The following NAT10 variants were observed in gnomAD, a reference collection of about 807,000 sequenced individuals.
NAT10 encodes RNA cytidine acetyltransferase.
In NAT10, 109 loss-of-function variants were observed where a neutral mutation model predicts 132.2. The ratio of observed to expected loss-of-function variants is 0.82; its 90% CI spans 0.71 to 0.97. NAT10 has a LOEUF of 0.97. Ranked by LOEUF, NAT10 falls within the 50% of genes least tolerant of loss-of-function variation. The pLI is 0.00. For synonymous variants in NAT10, 479 were observed against 478.0 expected, an observed-to-expected ratio of 1.00 and a Z score of -0.03; for missense variants, 1,184 against 1,263.4, an observed-to-expected ratio of 0.94 and a Z score of 0.95.
intron 11 of NAT10, among the ~76,000 whole-genome samples, chr11:34,127,020 G>A (rs1852006718): frequency 1.3e-5 from 2 of 152,222 alleles, no homozygotes; most frequent in South Asian, 4.1e-4. Flanking sequence ...GCTATGCCTC[G>A]AGCTCATCGG....
chr11:34,131,426 C>A lies in NAT10; in HGVS notation c.1415C>A (p.Ala472Asp), dbSNP rs146685334. The A allele has an allele frequency of 8.1e-4, 1,302 of 1,614,094 alleles. No individual in the cohort carries two copies. The highest frequency in any genetic ancestry group is 1.0e-3 in the Non-Finnish European group (1,231 of 1,180,000). The stretch of plus-strand genomic sequence containing the variant: ...TCCCTCCAGGAGTCAATCCGATACG[C>A]CCCTGGGGATGCAGTGGAGAAGTGG... Reference protein sequence around the residue: ...EVSLQESIRYAPGDAVEKWLN... With the variant: ...EVSLQESIRYDPGDAVEKWLN... The change falls in exon 14 of 29, where the codon GCC becomes GAC. Residue 472 changes from alanine (A) to aspartate (D), a missense_variant. Physicochemically the swap from Ala to Asp is moderately radical, Grantham distance 126. Transcript: ENST00000257829.
At chr11:34,127,432 T>G (rs199830201) in intron 11 of NAT10, 31 bp from the exon 12 acceptor site, 57 of 1,579,990 alleles carry the variant, frequency 3.6e-5, no homozygotes, top group Non-Finnish European at 4.5e-5. Flanking sequence ...GAGTTCACTA[T>G]GCTAATAATC....
intron 8 of NAT10, among the ~76,000 whole-genome samples, chr11:34,120,982 G>A (rs867743861): frequency 6.6e-6 from 1 of 152,164 alleles, no homozygotes; most frequent in Non-Finnish European, 1.5e-5. Flanking sequence ...GCATGGGCCT[G>A]GGGGAGGGGT....
chr11:34,141,778 G>C lies in NAT10; in HGVS notation c.2772G>C (p.Val924=), dbSNP rs1852337909. The change falls in exon 26 of 29, where the codon GTG becomes GTC. Residue 924 remains valine, a synonymous_variant. Coordinates refer to ENST00000257829, the MANE Select transcript of NAT10 (RefSeq NM_024662.3). ...IEEQMVAAKD[V]VMEPTMKTLS... ...AGCAGATGGTGGCAGCGAAGGATGT[G>C]GTCATGGAGCCCACGATGAAGACCC... The C allele has an allele frequency of 1.2e-6, 2 of 1,614,020 alleles. No individual in the cohort carries two copies. Among genetic ancestry groups the C allele is most frequent in the Non-Finnish European group, 1.7e-6 (2 of 1,180,032 alleles).
At chr11:34,117,713 T>C (rs571124363) in intron 6 of NAT10, among the ~76,000 whole-genome samples, 20 of 152,340 alleles carry the variant, frequency 1.3e-4, no homozygotes, top group African/African-American at 4.6e-4. Flanking sequence ...TTGTATTTCT[T>C]TGGGGAGCTT....
intron 26 of NAT10, 99 bp downstream of exon 26, chr11:34,141,916 C>T (rs1852340847): frequency 1.0e-6 from 1 of 991,336 alleles, no homozygotes; most frequent in Admixed American, 2.3e-5. Context: ...AGAAAGAGTC[C>T]TCTGCACTAA....
chr11:34,122,205 G>A (rs1319199787), intron 8 of NAT10, among the ~76,000 whole-genome samples: 2 of 152,118 alleles, frequency 1.3e-5, no homozygotes, highest in Admixed American at 1.3e-4. Context: ...TGATGTGCAG[G>A]GAAGTGGTCC....
intron 12 of NAT10, among the ~76,000 whole-genome samples, chr11:34,130,003 T>A (rs1255798183): frequency 6.6e-6 from 1 of 152,150 alleles, no homozygotes; most frequent in Non-Finnish European, 1.5e-5. Flanking sequence ...TAGGATACTT[T>A]TGGGAGAGCT....
At chr11:34,114,171 A>G (rs1259073369) in intron 5 of NAT10, among the ~76,000 whole-genome samples, 2 of 152,206 alleles carry the variant, frequency 1.3e-5, no homozygotes, top group Non-Finnish European at 2.9e-5. Context: ...AAATTTGTGT[A>G]TTGCAAAAAA....
chr11:34,108,821 TG>T lies in NAT10; in HGVS notation c.192del (p.Phe65LeufsTer16). ...PSVLWCYKKE[L>X]GFSSHRKKRM... ...GTGCTGTGGTGTTATAAGAAAGAGC[TG>T]GGGTTTAGCAGGTAAGCTGGGCTCT... On this transcript the variant is annotated frameshift_variant, in exon 3 of 29. Coordinates refer to ENST00000257829, the MANE Select transcript of NAT10 (RefSeq NM_024662.3). LOFTEE classifies it high-confidence loss of function. 2 of 1,613,656 alleles carry T rather than the reference TG, an allele frequency of 1.2e-6. No individual in the cohort carries two copies. The highest frequency in any genetic ancestry group is 1.7e-6 in the Non-Finnish European group (2 of 1,179,844).
Position 34,118,461 on chromosome 11 carries a change from G to A in NAT10, c.738G>A (p.Gln246=). ...TGAAGGAGAGCTTGCAGGACACCCAGCCTGTGGGTGTGTTGGTGGACTGCT... is the reference window on the plus strand; with the variant it reads ...TGAAGGAGAGCTTGCAGGACACCCAACCTGTGGGTGTGTTGGTGGACTGCT... ...RELKESLQDT[Q]PVGVLVDCCK... is the part of the protein sequence containing the mutation. The change falls in exon 8 of 29, where the codon CAG becomes CAA. Residue 246 remains glutamine (Q), a synonymous_variant. Coordinates refer to ENST00000257829, the MANE Select transcript of NAT10 (RefSeq NM_024662.3). The A allele has an allele frequency of 1.2e-6, 2 of 1,614,124 alleles. No homozygotes were observed. Among genetic ancestry groups the A allele is most frequent in the Non-Finnish European group, 1.7e-6 (2 of 1,179,996 alleles).
Position 34,113,779 on chromosome 11 carries a change from C to A in NAT10, c.436C>A (p.Leu146Ile). The change falls in exon 5 of 29, where the codon CTA becomes ATA. Residue 146 changes from leucine (L) to isoleucine (I), a missense_variant. Coordinates refer to ENST00000257829, the MANE Select transcript of NAT10 (RefSeq NM_024662.3). ...RTVETVEGGG[L>I]VVILLRTMNS... is the part of the protein sequence containing the mutation. ...TGTAGAAACAGTGGAAGGTGGTGGGCTAGTGGTCATCCTCCTACGGACCAT... is the reference window on the plus strand; with the variant it reads ...TGTAGAAACAGTGGAAGGTGGTGGGATAGTGGTCATCCTCCTACGGACCAT... The A allele has an allele frequency of 6.2e-7, 1 of 1,613,988 alleles. No individual in the cohort carries two copies. Among genetic ancestry groups the A allele is most frequent in the Non-Finnish European group, 8.5e-7 (1 of 1,179,966 alleles).
At chr11:34,141,892 T>G in intron 26 of NAT10, 75 bp downstream of exon 26, 1 of 1,231,356 alleles carries the variant, frequency 8.1e-7, no homozygotes, top group African/African-American at 1.5e-5. Flanking sequence ...CAGACTGTCT[T>G]CCCCTTCCCC....
chr11:34,142,468 T>C (rs1034421197), intron 27 of NAT10, 120 bp downstream of exon 27: 24 of 824,196 alleles, frequency 2.9e-5, no homozygotes, highest in Admixed American at 1.7e-4. Flanking sequence ...GGATCAGTTT[T>C]AGGGATGCTA....
In NAT10 at chr11:34,113,828, C is replaced by T. The variant is rs769674662; in HGVS notation, c.485C>T (p.Thr162Ile). The change falls in exon 5 of 29, where the codon ACA becomes ATA. Residue 162 changes from threonine to isoleucine, a missense_variant. Transcript: ENST00000257829. ...RTMNSLKQLY[T>I]VTMDVHSRYR... The stretch of plus-strand genomic sequence containing the variant: ...ATGAACTCACTCAAGCAATTGTACA[C>T]AGTGACTATGGTAAGCATCTGTTTT... The T allele has an allele frequency of 5.6e-6, 9 of 1,613,210 alleles. No homozygotes were observed. In the Admixed American group the frequency reaches 1.0e-4, roughly 18 times the overall value.
At chr11:34,131,313 C>T in intron 13 of NAT10, 68 bp from the exon 14 acceptor site, 3 of 1,525,692 alleles carry the variant, frequency 2.0e-6, no homozygotes, top group African/African-American at 1.4e-5. Context: ...AACATTTTTC[C>T]TTGCTTTTTT....
intron 26 of NAT10, 118 bp from the exon 27 acceptor site, chr11:34,142,157 A>AC (rs1852347106): frequency 1.1e-6 from 1 of 947,212 alleles, no homozygotes; most frequent in Non-Finnish European, 1.7e-6. Flanking sequence ...TTGCAGGTAG[A>AC]TGGAAGAGAA....
Position 34,142,143 on chromosome 11 carries a change from G to A in NAT10, c.2812-132G>A, listed in dbSNP as rs1852346494. 12 of 846,816 alleles carry A rather than the reference G, an allele frequency of 1.4e-5. No individual in the cohort carries two copies. The East Asian group carries it at 3.0e-4, about 21-fold the overall frequency. The allele number at this position is 846,816 out of a possible 1,614,324, so 52.5% of individuals were successfully genotyped here. Reference sequence around the variant, plus strand: ...TAAAATAATCAAAGCTGCCTACAAGGTTTTTGCAGGTAGATGGAAGAGAAG... The same window carrying A: ...TAAAATAATCAAAGCTGCCTACAAGATTTTTGCAGGTAGATGGAAGAGAAG... On this transcript the variant is annotated intron_variant, in intron 26 of 28. Transcript: ENST00000257829.
chr11:34,117,498 G>A (rs1331903023), intron 6 of NAT10, among the ~76,000 whole-genome samples: 1 of 152,190 alleles, frequency 6.6e-6, no homozygotes, highest in African/African-American at 2.4e-5. Flanking sequence ...CTGAGGTGTA[G>A]AAATCCGAGC....
Sources: allele counts gnomAD v4.1 joint callset (sites outside exome capture counted in the v4.1 genomes callset), GRCh38; gene constraint gnomAD v4.1.1; transcripts MANE v1.5; gene names NCBI Gene and HGNC (gene_info 2026-07-23, HGNC 2026-07-21).